Variants in FOXP1 observed in about 807,000 individuals in gnomAD.
The protein encoded by FOXP1 is forkhead box P1.
In FOXP1, 15 loss-of-function variants were observed where a neutral mutation model predicts 98.2. The ratio of observed to expected loss-of-function variants is 0.15; its 90% CI spans 0.10 to 0.24. The LOEUF is 0.24. Ranked by LOEUF, FOXP1 falls within the 10% of genes least tolerant of loss-of-function variation. The pLI, the probability that FOXP1 is intolerant of heterozygous loss-of-function variation, is 1.00. For synonymous variants in FOXP1, 371 were observed against 314.5 expected, an observed-to-expected ratio of 1.18 and a Z score of -1.90; for missense variants, 633 against 848.5, an observed-to-expected ratio of 0.75 and a Z score of 3.15.
At chr3:71,096,701 C>T (rs1280613170) in intron 7 of FOXP1, among the ~76,000 whole-genome samples, 1 of 152,136 alleles carries the variant, frequency 6.6e-6, no homozygotes, top group Non-Finnish European at 1.5e-5. Flanking sequence ...ATTTCTCAGA[C>T]AGATAGTAGT....
intron 6 of FOXP1, among the ~76,000 whole-genome samples, chr3:71,187,846 T>C (rs1207516448): frequency 6.6e-6 from 1 of 152,148 alleles, no homozygotes; most frequent in East Asian, 1.9e-4. Flanking sequence ...ACAGTATTAT[T>C]TATCATACAC....
chr3:71,312,713 G>A (rs113350267), intron 4 of FOXP1, among the ~76,000 whole-genome samples: 8 of 152,178 alleles, frequency 5.3e-5, no homozygotes, highest in Non-Finnish European at 1.0e-4. Flanking sequence ...GGCCAGGCAC[G>A]GTGGCTCATA....
intron 2 of FOXP1, among the ~76,000 whole-genome samples, chr3:71,552,577 G>A (rs1341338188): frequency 6.6e-6 from 1 of 151,560 alleles, no homozygotes; most frequent in Admixed American, 6.6e-5. Flanking sequence ...AGGTCATTTA[G>A]AAAAACTAAA....
At chr3:71,314,642 T>C (rs2074947868) in intron 4 of FOXP1, among the ~76,000 whole-genome samples, 1 of 151,664 alleles carries the variant, frequency 6.6e-6, no homozygotes, top group African/African-American at 2.4e-5. Context: ...TAAAATAAAA[T>C]CAAAGTACTT....
chr3:71,300,331 C>T (rs1274131457), intron 4 of FOXP1, among the ~76,000 whole-genome samples: 1 of 152,172 alleles, frequency 6.6e-6, no homozygotes, highest in Non-Finnish European at 1.5e-5. Flanking sequence ...AAGATGCTTT[C>T]TGCCACTTCG....
rs913868424 is a variant in FOXP1 at position 71,539,407 on chromosome 3, C to T, written c.-298+42142G>A. ...AAGTGCTGGGATTACAGGCGTGAGC[C>T]GCCGCGCTCGGTCATCTCTGTTCTT... On this transcript the variant is annotated intron_variant, in intron 2 of 20. Transcript: ENST00000649528. 3.2e-4 allele frequency among the ~76,000 whole-genome samples: 49 copies of T among 151,146 alleles called. No individual in the cohort carries two copies. In the East Asian group the frequency reaches 7.8e-3, roughly 24 times the overall value.
At chr3:71,496,981 T>TGG (rs958661636) in intron 2 of FOXP1, among the ~76,000 whole-genome samples, 2 of 151,996 alleles carry the variant, frequency 1.3e-5, no homozygotes, top group Non-Finnish European at 2.9e-5. Flanking sequence ...TGTGTGTGTG[T>TGG]GTGTTGTTAA....
At chr3:71,117,084 T>C (rs527703011) in intron 6 of FOXP1, among the ~76,000 whole-genome samples, 1 of 135,502 alleles carries the variant, frequency 7.4e-6, no homozygotes, top group African/African-American at 3.0e-5. Flanking sequence ...TCCCCAGAGA[T>C]AAATCTTTTT....
intron 6 of FOXP1, chr3:71,131,081 A>T (rs188726807): frequency 3.7e-6 from 1 of 272,382 alleles, no homozygotes; most frequent in African/African-American, 2.3e-5. Context: ...GAAAATTCAG[A>T]TTTTGCAGAC....
intron 5 of FOXP1, among the ~76,000 whole-genome samples, chr3:71,211,946 T>C (rs114844846): frequency 0.017 from 2,527 of 152,320 alleles, 26 homozygotes; most frequent in African/African-American, 0.024. Flanking sequence ...GGAAAACCAG[T>C]ATGTAACCCT....
chr3:71,567,119 A>G (rs557592907), intron 2 of FOXP1, among the ~76,000 whole-genome samples: 2 of 152,328 alleles, frequency 1.3e-5, no homozygotes, highest in South Asian at 4.1e-4. Context: ...AGCACAGGAG[A>G]TAAGATTTTT....
chr3:71,568,197 T>C (rs2047064077), intron 2 of FOXP1, among the ~76,000 whole-genome samples: 2 of 152,108 alleles, frequency 1.3e-5, no homozygotes, highest in African/African-American at 2.4e-5. Context: ...TACCCAGTCC[T>C]GGAAATGGCT....
At chr3:71,488,730 C>G (rs1397123609) in intron 3 of FOXP1, among the ~76,000 whole-genome samples, 4 of 152,166 alleles carry the variant, frequency 2.6e-5, no homozygotes, top group African/African-American at 9.7e-5. Context: ...ACACTGTCTT[C>G]GCATGCGGGA....
intron 3 of FOXP1, among the ~76,000 whole-genome samples, chr3:71,454,979 G>A (rs1048328940): frequency 3.3e-5 from 5 of 152,020 alleles, no homozygotes; most frequent in Non-Finnish European, 5.9e-5. Flanking sequence ...TAAACTGATC[G>A]ACATTTGGTA....
In FOXP1 at chr3:71,382,640, T is replaced by G. The variant is rs185286284; in HGVS notation, c.-167-23396A>C. On this transcript the variant is annotated intron_variant, in intron 3 of 20. Coordinates refer to ENST00000649528, the MANE Select transcript of FOXP1 (RefSeq NM_001349338.3). ...CAGTTGCTAGGAATCATCTTAAGAC[T>G]GCAAATAGGGCCACTCTGAAGATAA... Among the ~76,000 whole-genome samples, 183 of 152,242 alleles carry G rather than the reference T, an allele frequency of 1.2e-3. 1 individual carries two copies. The highest frequency in any genetic ancestry group is 9.8e-3 in the Admixed American group (150 of 15,292).
At chr3:71,233,414 GT>G (rs909255821) in intron 5 of FOXP1, among the ~76,000 whole-genome samples, 14 of 150,880 alleles carry the variant, frequency 9.3e-5, no homozygotes, top group Middle Eastern at 3.4e-3. Context: ...AGCTGCTATA[GT>G]TTTTTTTTGT....
intron 6 of FOXP1, among the ~76,000 whole-genome samples, chr3:71,189,424 A>C (rs770119091): frequency 6.6e-6 from 1 of 152,238 alleles, no homozygotes; most frequent in Non-Finnish European, 1.5e-5. Context: ...ATTTTAACAC[A>C]AATAAACATA....
chr3:71,401,883 T>G (rs1396410731), intron 3 of FOXP1, among the ~76,000 whole-genome samples: 1 of 152,212 alleles, frequency 6.6e-6, no homozygotes, highest in Non-Finnish European at 1.5e-5. Flanking sequence ...AGCCGTTACT[T>G]CCTCCCTGGA....
intron 5 of FOXP1, among the ~76,000 whole-genome samples, chr3:71,240,449 G>T (rs1012288916): frequency 1.3e-5 from 2 of 152,228 alleles, no homozygotes; most frequent in African/African-American, 4.8e-5. Context: ...TACAGAAGTG[G>T]ATGAAATGGG....
Sources: allele counts gnomAD v4.1 joint callset (sites outside exome capture counted in the v4.1 genomes callset), GRCh38; gene constraint gnomAD v4.1.1; transcripts MANE v1.5; gene names NCBI Gene and HGNC (gene_info 2026-07-23, HGNC 2026-07-21).